The following MAGI1 variants were observed in gnomAD, a reference collection of about 807,000 sequenced individuals.
MAGI1 encodes membrane-associated guanylate kinase, WW and PDZ domain-containing protein 1.
A neutral mutation model predicts 139.9 loss-of-function variants in MAGI1; 58 were observed. The observed-to-expected ratio is 0.41, with a 90% CI of 0.34 to 0.52. MAGI1 has a LOEUF of 0.52. Among genes scored for constraint, MAGI1 ranks in the 20% least tolerant of loss-of-function variants. The probability of loss-of-function intolerance (pLI) is 0.12; values close to 1 mark genes in which losing one functional copy is unlikely to be tolerated. For synonymous variants in MAGI1, 812 were observed against 737.9 expected (o/e 1.10, Z -1.63); for missense variants, 1,874 against 1,901.6 (o/e 0.99, Z 0.27).
At chr3:65,361,408 C>A in intron 21 of MAGI1, 71 bp from the exon 22 acceptor site, 1 of 1,494,812 alleles carries the variant, frequency 6.7e-7, no homozygotes, top group African/African-American at 1.4e-5. Flanking sequence ...TTATTAAGCA[C>A]GTGGCAGAAC....
chr3:65,927,665 T>C (rs2062590005), intron 1 of MAGI1, among the ~76,000 whole-genome samples: 2 of 152,154 alleles, frequency 1.3e-5, no homozygotes, highest in Non-Finnish European at 1.5e-5. Context: ...ATTGGTAAAA[T>C]GATACAATGA....
intron 1 of MAGI1, among the ~76,000 whole-genome samples, chr3:65,947,516 T>A (rs2063593337): frequency 6.6e-6 from 1 of 152,220 alleles, no homozygotes; most frequent in African/African-American, 2.4e-5. Flanking sequence ...TGAGATAAGC[T>A]ATAATAAAAT....
intron 2 of MAGI1, among the ~76,000 whole-genome samples, chr3:65,514,857 C>T (rs1279577197): frequency 6.8e-6 from 1 of 147,414 alleles, no homozygotes; most frequent in Non-Finnish European, 1.5e-5. Flanking sequence ...GACACATGCA[C>T]ACGTATGTTT....
chr3:65,875,308 A>C (rs1163698797), intron 1 of MAGI1, among the ~76,000 whole-genome samples: 7 of 152,244 alleles, frequency 4.6e-5, no homozygotes, highest in African/African-American at 1.7e-4. Flanking sequence ...GTTAGACTTC[A>C]GAGATGGCTG....
At chr3:65,770,226 C>T (rs1258136642) in intron 1 of MAGI1, among the ~76,000 whole-genome samples, 1 of 152,216 alleles carries the variant, frequency 6.6e-6, no homozygotes, top group East Asian at 1.9e-4. Flanking sequence ...TTCCCAGAGA[C>T]TCTATGACTT....
chr3:65,911,502 A>G (rs1232620017), intron 1 of MAGI1, among the ~76,000 whole-genome samples: 1 of 152,066 alleles, frequency 6.6e-6, no homozygotes, highest in Non-Finnish European at 1.5e-5. Context: ...GTTCACAACA[A>G]ATTTATTTTC....
Position 65,356,315 on chromosome 3 carries a change from C to T in MAGI1, c.*63G>A. ...CATTAGGTAAGAAACTAAATAATTTCAGGTTTGTGACTTTCCTCTTAGAAC... is the reference window on the plus strand; with the variant it reads ...CATTAGGTAAGAAACTAAATAATTTTAGGTTTGTGACTTTCCTCTTAGAAC... On this transcript the variant is annotated 3_prime_UTR_variant, in exon 23 of 23. Coordinates refer to ENST00000402939, the MANE Select transcript of MAGI1 (RefSeq NM_001033057.2). 1 of 1,469,404 alleles carries T rather than the reference C, an allele frequency of 6.8e-7. No homozygotes were observed. 91.0% of individuals were successfully genotyped at this position (1,469,404 alleles called of 1,614,324 possible).
chr3:65,361,540 C>T (rs2106719698), intron 21 of MAGI1, among the ~76,000 whole-genome samples: 1 of 152,108 alleles, frequency 6.6e-6, no homozygotes, highest in Non-Finnish European at 1.5e-5. Context: ...TGCCAAATCA[C>T]ATGAGAAAGG....
intron 14 of MAGI1, among the ~76,000 whole-genome samples, chr3:65,385,743 C>G (rs1375429789): frequency 2.6e-5 from 4 of 152,172 alleles, no homozygotes; most frequent in Admixed American, 2.6e-4. Flanking sequence ...TGAGGCTAAG[C>G]TGCAAAACAC....
At chr3:65,499,068 A>AC in intron 2 of MAGI1, 1 of 978,820 alleles carries the variant, frequency 1.0e-6, no homozygotes, top group South Asian at 4.7e-5. Flanking sequence ...CTTAAAAAAA[A>AC]AAAAACAAAA....
At position 65,960,985 on chromosome 3, in the gene MAGI1, A is replaced by G. The variant is rs939364005; in HGVS notation, c.313+77011T>C. Among the ~76,000 whole-genome samples, 4 of 152,382 alleles carry G rather than the reference A, an allele frequency of 2.6e-5. No individual in the cohort carries two copies. The South Asian group carries it at 6.2e-4, about 24-fold the overall frequency. On this transcript the variant is annotated intron_variant, in intron 1 of 22. Transcript: ENST00000402939. Reference sequence around the variant, plus strand: ...GTCTTTTCTATGCTATAGGCAGTACAGAGCATGGGCCAGCCTGAAATGGCA... The same window carrying G: ...GTCTTTTCTATGCTATAGGCAGTACGGAGCATGGGCCAGCCTGAAATGGCA...
chr3:65,964,339 C>A (rs564298238), intron 1 of MAGI1, among the ~76,000 whole-genome samples: 1 of 152,046 alleles, frequency 6.6e-6, no homozygotes, highest in African/African-American at 2.4e-5. Context: ...AAAATCAGAC[C>A]CTACAAAGGA....
intron 3 of MAGI1, among the ~76,000 whole-genome samples, chr3:65,488,933 A>G (rs1951804247): frequency 6.6e-6 from 1 of 152,084 alleles, no homozygotes; most frequent in Non-Finnish European, 1.5e-5. Flanking sequence ...TCAGCCTCCC[A>G]AAGTGCTGGG....
rs77335097 is a variant in MAGI1 at position 65,617,373 on chromosome 3, T to A, written c.430+4599A>T. 3.7e-3 allele frequency among the ~76,000 whole-genome samples: 571 copies of A among 152,336 alleles called. 7 individuals are homozygous for A. Among genetic ancestry groups the A allele is most frequent in the African/African-American group, 0.013 (552 of 41,576 alleles). ...AACCAGAACTACTGGATGAGTTGTATCTCGTTTTGACAGCAGCAGTATAGT... is the reference window on the plus strand; with the variant it reads ...AACCAGAACTACTGGATGAGTTGTAACTCGTTTTGACAGCAGCAGTATAGT... On this transcript the variant is annotated intron_variant, in intron 2 of 22. Transcript: ENST00000402939.
chr3:65,835,948 T>A (rs945426000), intron 1 of MAGI1, among the ~76,000 whole-genome samples: 1 of 152,128 alleles, frequency 6.6e-6, no homozygotes, highest in Non-Finnish European at 1.5e-5. Context: ...GTATGGTAGA[T>A]AAGAGATGAG....
At chr3:65,425,120 AAAAAAAAAAAAAC>A (rs1481842615) in intron 12 of MAGI1, among the ~76,000 whole-genome samples, 2 of 50,552 alleles carry the variant, frequency 4.0e-5, no homozygotes, top group Non-Finnish European at 3.4e-5. Flanking sequence ...AAAAAAAAAA[AAAAAAAAAAAAAC>A]AAAAAAAAAC....
intron 1 of MAGI1, among the ~76,000 whole-genome samples, chr3:65,723,782 T>C (rs1425538304): frequency 6.6e-6 from 1 of 152,048 alleles, no homozygotes; most frequent in African/African-American, 2.4e-5. Context: ...ATAATCACAG[T>C]TTTGGTGGAG....
At chr3:65,737,283 G>A (rs1005843319) in intron 1 of MAGI1, among the ~76,000 whole-genome samples, 3 of 152,228 alleles carry the variant, frequency 2.0e-5, no homozygotes, top group African/African-American at 7.2e-5. Flanking sequence ...GGGATTACAG[G>A]CGTAAGCCAC....
intron 1 of MAGI1, among the ~76,000 whole-genome samples, chr3:65,824,947 C>T (rs1346093643): frequency 6.6e-6 from 1 of 152,106 alleles, no homozygotes; most frequent in Non-Finnish European, 1.5e-5. Context: ...CAAAATTATT[C>T]CCTGAAAGAA....
Sources: gnomAD v4.1 joint callset for allele counts (sites outside exome capture counted in the v4.1 genomes callset) on GRCh38, gnomAD v4.1.1 for gene constraint, MANE v1.5 for transcripts, NCBI Gene and HGNC (gene_info 2026-07-23, HGNC 2026-07-21) for gene names.